ASTN2: variants seen among roughly 807,000 people sequenced by gnomAD.
The protein encoded by ASTN2 is astrotactin 2, also known as astrotactin-2.
Under a neutral mutation model 139.8 loss-of-function variants are expected in ASTN2, and 54 were observed. The ratio of observed to expected loss-of-function variants is 0.39; its 90% CI spans 0.31 to 0.48. The LOEUF (loss-of-function observed/expected upper bound fraction) is 0.48, where lower values mean the gene tolerates loss of function less well. ASTN2 is among the 20% of genes least tolerant of loss of function. The probability of loss-of-function intolerance (pLI) is 0.95; values close to 1 mark genes in which losing one functional copy is unlikely to be tolerated. For missense variants in ASTN2, 1,565 were observed against 1,725.1 expected (o/e 0.91, Z 1.64); for synonymous variants, 756 against 719.5 (o/e 1.05, Z -0.81).
At chr9:117,035,835 G>A (rs1318955977) in intron 6 of ASTN2, among the ~76,000 whole-genome samples, 2 of 152,150 alleles carry the variant, frequency 1.3e-5, no homozygotes, top group Non-Finnish European at 2.9e-5. Context: ...GTCTTCAAGT[G>A]GGAAAGTCAC....
intron 5 of ASTN2, among the ~76,000 whole-genome samples, chr9:117,049,913 T>C (rs1838866532): frequency 6.6e-6 from 1 of 150,824 alleles, no homozygotes; most frequent in South Asian, 2.1e-4. Flanking sequence ...AGATGAGAAA[T>C]AGTAGAGAAG....
intron 10 of ASTN2, among the ~76,000 whole-genome samples, chr9:116,886,351 C>T (rs1833595551): frequency 6.6e-6 from 1 of 152,218 alleles, no homozygotes. Flanking sequence ...ACTGATTCCT[C>T]CTGCAATTGT....
chr9:116,609,558 G>A (rs896555976), intron 19 of ASTN2, among the ~76,000 whole-genome samples: 7 of 151,242 alleles, frequency 4.6e-5, no homozygotes, highest in Non-Finnish European at 8.9e-5. Flanking sequence ...AAATCAGAAA[G>A]CATGCATCAC....
intron 13 of ASTN2, among the ~76,000 whole-genome samples, chr9:116,744,800 T>C (rs760536692): frequency 1.1e-4 from 17 of 152,130 alleles, no homozygotes; most frequent in Non-Finnish European, 2.2e-4. Flanking sequence ...AACAGACCAA[T>C]GTGCTTTGTC....
At chr9:116,849,209 T>A (rs1832523001) in intron 11 of ASTN2, among the ~76,000 whole-genome samples, 1 of 152,162 alleles carries the variant, frequency 6.6e-6, no homozygotes, top group Non-Finnish European at 1.5e-5. Flanking sequence ...CTAGTCCTTT[T>A]GGATTTTTAT....
chr9:117,124,698 CATT>C (rs1829642032), intron 4 of ASTN2, among the ~76,000 whole-genome samples: 1 of 151,362 alleles, frequency 6.6e-6, no homozygotes, highest in Non-Finnish European at 1.5e-5. Flanking sequence ...TTTGATATAG[CATT>C]AGATTTTGTT....
chr9:117,090,920 G>A (rs1044849838), intron 5 of ASTN2, among the ~76,000 whole-genome samples: 1 of 152,208 alleles, frequency 6.6e-6, no homozygotes, highest in African/African-American at 2.4e-5. Flanking sequence ...AGCCCTCAGT[G>A]TAACCTTTTC....
At chr9:116,748,162 A>T (rs754302376) in intron 13 of ASTN2, among the ~76,000 whole-genome samples, 2 of 152,142 alleles carry the variant, frequency 1.3e-5, no homozygotes, top group Non-Finnish European at 2.9e-5. Context: ...CTGACAAAGT[A>T]TTATCATTAT....
intron 11 of ASTN2, among the ~76,000 whole-genome samples, chr9:116,832,842 CTT>C (rs1306789917): frequency 6.6e-6 from 1 of 152,020 alleles, no homozygotes; most frequent in Non-Finnish European, 1.5e-5. Context: ...TTTGAACTAT[CTT>C]TGTCTGCTTT....
chr9:117,030,082 A>C (rs1838205255), intron 6 of ASTN2, among the ~76,000 whole-genome samples: 1 of 152,194 alleles, frequency 6.6e-6, no homozygotes, highest in African/African-American at 2.4e-5. Flanking sequence ...ACTAGAAAGC[A>C]GATGAACAGG....
At chr9:116,500,035 C>T (rs1028479676) in intron 19 of ASTN2, among the ~76,000 whole-genome samples, 3 of 152,140 alleles carry the variant, frequency 2.0e-5, no homozygotes, top group Non-Finnish European at 4.4e-5. Context: ...CCAGACACCA[C>T]ACCCCAGGAA....
At chr9:117,270,419 A>G (rs1222873977) in intron 2 of ASTN2, among the ~76,000 whole-genome samples, 9 of 152,206 alleles carry the variant, frequency 5.9e-5, no homozygotes, top group Admixed American at 5.2e-4. Flanking sequence ...GGTATCTCAT[A>G]TAAGTGGAAT....
At chr9:116,530,125 A>T (rs1333481422) in intron 19 of ASTN2, among the ~76,000 whole-genome samples, 766 of 52,910 alleles carry the variant, frequency 0.014, 55 homozygotes, top group African/African-American at 0.056. Flanking sequence ...ATATATATAT[A>T]TATATATATA....
chr9:116,748,809 C>A (rs555078530), intron 13 of ASTN2, among the ~76,000 whole-genome samples: 1 of 152,180 alleles, frequency 6.6e-6, no homozygotes, highest in African/African-American at 2.4e-5. Context: ...CAATAACTTG[C>A]TGTGTGATCT....
chr9:116,943,206 A>G (rs1437528007), intron 10 of ASTN2, among the ~76,000 whole-genome samples: 1 of 152,194 alleles, frequency 6.6e-6, no homozygotes. Context: ...AATTGTGTAT[A>G]AATGCTGGGC....
chr9:116,998,422 T>G (rs1283588959), intron 7 of ASTN2, among the ~76,000 whole-genome samples: 1 of 152,208 alleles, frequency 6.6e-6, no homozygotes, highest in Non-Finnish European at 1.5e-5. Flanking sequence ...CAAGTCTTTA[T>G]TTAGCAAACA....
intron 1 of ASTN2, among the ~76,000 whole-genome samples, chr9:117,305,191 G>T (rs912835698): frequency 3.9e-5 from 6 of 152,218 alleles, no homozygotes; most frequent in Non-Finnish European, 1.5e-5. Flanking sequence ...GACCTTTGGT[G>T]AGGCATTCAT....
chr9:116,747,729 A>ACC (rs1491197667), intron 13 of ASTN2, among the ~76,000 whole-genome samples: 18 of 131,590 alleles, frequency 1.4e-4, no homozygotes, highest in African/African-American at 4.2e-4. Flanking sequence ...ACACACACAC[A>ACC]CCACCTACCC....
chr9:116,694,503 C>T (rs1055152718), intron 16 of ASTN2, among the ~76,000 whole-genome samples: 41 of 122,734 alleles, frequency 3.3e-4, no homozygotes, highest in Non-Finnish European at 6.1e-4. Flanking sequence ...GCTCTGTCAC[C>T]CAGTCTGGAG....
Sources: allele counts gnomAD v4.1 joint callset (sites outside exome capture counted in the v4.1 genomes callset), GRCh38; gene constraint gnomAD v4.1.1; transcripts MANE v1.5; gene names NCBI Gene and HGNC (gene_info 2026-07-23, HGNC 2026-07-21).